ACTN4: variants seen among roughly 807,000 people sequenced by gnomAD.
The protein encoded by ACTN4 is alpha-actinin-4.
In ACTN4, 18 loss-of-function variants were observed where a neutral mutation model predicts 114.2. The ratio of observed to expected loss-of-function variants is 0.16; its 90% CI spans 0.11 to 0.23. The LOEUF is 0.23. Ranked by LOEUF, ACTN4 falls within the 10% of genes least tolerant of loss-of-function variation. ACTN4 has a pLI of 1.00. For synonymous variants in ACTN4, 515 were observed against 506.3 expected, an observed-to-expected ratio of 1.02 and a Z score of -0.23; for missense variants, 722 against 1,262.9, an observed-to-expected ratio of 0.57 and a Z score of 6.49.
chr19:38,693,788 CCTG>C (rs1414771208), intron 1 of ACTN4, among the ~76,000 whole-genome samples: 1 of 152,238 alleles, frequency 6.6e-6, no homozygotes, highest in Non-Finnish European at 1.5e-5. Flanking sequence ...CCGTCTCCCT[CCTG>C]CAGCCCACAG....
intron 8 of ACTN4, chr19:38,710,918 A>G (rs994581325): frequency 2.0e-4 from 36 of 176,778 alleles, no homozygotes; most frequent in Admixed American, 1.4e-3. Flanking sequence ...GTGGGATAAG[A>G]AATTCATGTT....
At chr19:38,655,538 G>A (rs770942806) in intron 1 of ACTN4, among the ~76,000 whole-genome samples, 45 of 152,162 alleles carry the variant, frequency 3.0e-4, no homozygotes, top group Non-Finnish European at 5.9e-4. Flanking sequence ...TCATCTGGTC[G>A]AGGTGGGCAG....
At chr19:38,705,892 G>A (rs1254519128) in intron 4 of ACTN4, 152 bp from the exon 5 acceptor site, 6 of 727,646 alleles carry the variant, frequency 8.2e-6, no homozygotes, top group African/African-American at 1.7e-5. Context: ...TGGCTGTCCC[G>A]CTGCTATCAC....
chr19:38,673,651 ATATTTATATATATTATATAT>A (rs1967253784), intron 1 of ACTN4, among the ~76,000 whole-genome samples: 1 of 79,226 alleles, frequency 1.3e-5, no homozygotes, highest in South Asian at 3.4e-4. Flanking sequence ...ATATATTTAT[ATATTTATATATATTATATAT>A]ATTTATATAT....
rs67679036 is a variant in ACTN4, at chr19:38,727,638, G to A, written c.2338-308G>A. Among the ~76,000 whole-genome samples the A allele has an allele frequency of 1.5e-3, 120 of 82,698 alleles. 1 individual carries two copies. Among genetic ancestry groups the A allele is most frequent in the East Asian group, 0.012 (39 of 3,260 alleles). 54.3% of individuals were successfully genotyped at this position (82,698 alleles called of 152,430 possible). Reference sequence around the variant, plus strand: ...CAAAGGCAAGGAGAACCCCCCCCCCGACCCTCCACCAGTCCTGGGACTTGT... The same window carrying A: ...CAAAGGCAAGGAGAACCCCCCCCCCAACCCTCCACCAGTCCTGGGACTTGT... On this transcript the variant is annotated intron_variant, in intron 18 of 20. Coordinates refer to ENST00000252699, the MANE Select transcript of ACTN4 (RefSeq NM_004924.6). The surrounding 1 kb of genome is among the most constrained non-coding windows in gnomAD (Gnocchi z 5.4).
chr19:38,723,076 C>G (rs1007308629), intron 12 of ACTN4, among the ~76,000 whole-genome samples: 3 of 152,216 alleles, frequency 2.0e-5, no homozygotes, highest in Non-Finnish European at 4.4e-5. Flanking sequence ...CCCACAGCAA[C>G]TGTGTAACTG....
chr19:38,728,424 T>G, intron 19 of ACTN4: 1 of 900,912 alleles, frequency 1.1e-6, no homozygotes, highest in Non-Finnish European at 1.5e-6. Context: ...CTCCTCCTCC[T>G]CCTCCTCCTC....
Position 38,726,867 on chromosome 19 carries a change from G to A in ACTN4, c.2191-90G>A, listed in dbSNP as rs1105759. 103,298 of 1,569,730 alleles carry A rather than the reference G, an allele frequency of 0.066. 3,710 individuals carry two copies. Among genetic ancestry groups the A allele is most frequent in the South Asian group, 0.1 (8,880 of 87,558 alleles). Reference sequence around the variant, plus strand: ...GGAGAGCAGGGGCTTTCCCCAGGGCGGGAGGACAGTTCACAGTCCTCCACG... The same window carrying A: ...GGAGAGCAGGGGCTTTCCCCAGGGCAGGAGGACAGTTCACAGTCCTCCACG... On this transcript the variant is annotated intron_variant, in intron 17 of 20. Coordinates refer to ENST00000252699, the MANE Select transcript of ACTN4 (RefSeq NM_004924.6).
At position 38,678,753 on chromosome 19, in the gene ACTN4, C is replaced by T. The variant is rs73034606; in HGVS notation, c.163-21847C>T. 3.1e-3 allele frequency among the ~76,000 whole-genome samples: 468 copies of T among 152,262 alleles called. 3 individuals carry two copies. Among genetic ancestry groups the T allele is most frequent in the Non-Finnish European group, 5.5e-3 (373 of 68,014 alleles). On this transcript the variant is annotated intron_variant, in intron 1 of 20. Coordinates refer to ENST00000252699, the MANE Select transcript of ACTN4 (RefSeq NM_004924.6). ...CTTCGCTGTCAGTGGTGACCAATCCCGTGGAATCAGCCACTGTGTGTTACC... is the reference window on the plus strand; with the variant it reads ...CTTCGCTGTCAGTGGTGACCAATCCTGTGGAATCAGCCACTGTGTGTTACC...
intron 1 of ACTN4, among the ~76,000 whole-genome samples, chr19:38,685,014 C>T (rs2144935899): frequency 6.6e-6 from 1 of 152,288 alleles, no homozygotes; most frequent in Middle Eastern, 3.4e-3. Context: ...GGCGTGATCT[C>T]AGCTCACTGC....
At position 38,708,211 on chromosome 19, in the gene ACTN4, TC is replaced by T. The variant is rs1337311034; in HGVS notation, c.651+20del. On this transcript the variant is annotated intron_variant, in intron 6 of 20. Transcript: ENST00000252699. Reference sequence around the variant, plus strand: ...GCTGAGGAAGGTGAGTGTCTCCAGCTCCCCTTGATGGCCCACAGACGTGCCC... The same window carrying T: ...GCTGAGGAAGGTGAGTGTCTCCAGCTCCCTTGATGGCCCACAGACGTGCCC... 1 of 1,613,714 alleles carries T rather than the reference TC, an allele frequency of 6.2e-7. No homozygotes were observed. The highest frequency in any genetic ancestry group is 1.1e-5 in the South Asian group (1 of 91,048).
chr19:38,658,263 A>C (rs1207736115), intron 1 of ACTN4, among the ~76,000 whole-genome samples: 6 of 152,146 alleles, frequency 3.9e-5, no homozygotes, highest in Non-Finnish European at 7.3e-5. Context: ...TGTAGCCTAG[A>C]AGAGTGCTTT....
At chr19:38,684,935 A>G (rs1405112479) in intron 1 of ACTN4, among the ~76,000 whole-genome samples, 1 of 151,788 alleles carries the variant, frequency 6.6e-6, no homozygotes, top group African/African-American at 2.4e-5. Context: ...ACCCACCCAA[A>G]TGGCTTTTTG....
chr19:38,716,447 G>A (rs1288215273), intron 9 of ACTN4, among the ~76,000 whole-genome samples: 6 of 152,230 alleles, frequency 3.9e-5, no homozygotes, highest in Non-Finnish European at 7.3e-5. Flanking sequence ...GAAGACAGCG[G>A]CAGTGGGGCA....
At position 38,727,940 on chromosome 19, in the gene ACTN4, C is replaced by T. The variant is rs779679417; in HGVS notation, c.2338-6C>T. 1.1e-5 allele frequency: 17 copies of T among 1,612,384 alleles called. No homozygotes were observed. The highest frequency in any genetic ancestry group is 2.7e-5 in the African/African-American group (2 of 74,894). On this transcript the variant is annotated splice_polypyrimidine_tract_variant and splice_region_variant and intron_variant, in intron 18 of 20. Coordinates refer to ENST00000252699, the MANE Select transcript of ACTN4 (RefSeq NM_004924.6). The surrounding 1 kb of genome is among the most constrained non-coding windows in gnomAD (Gnocchi z 5.4). Reference sequence around the variant, plus strand: ...CCGCACACCTGCCTTCGGATGGCCCCGGCAGGATCATGGCGGGGCGCTGGG... The same window carrying T: ...CCGCACACCTGCCTTCGGATGGCCCTGGCAGGATCATGGCGGGGCGCTGGG...
At chr19:38,684,317 A>T (rs1446361933) in intron 1 of ACTN4, among the ~76,000 whole-genome samples, 2 of 152,106 alleles carry the variant, frequency 1.3e-5, no homozygotes, top group African/African-American at 4.8e-5. Flanking sequence ...GGGCAGGTTG[A>T]CATGGTACCC....
intron 12 of ACTN4, among the ~76,000 whole-genome samples, chr19:38,722,610 C>G (rs1390522562): frequency 2.0e-5 from 3 of 152,144 alleles, no homozygotes; most frequent in Non-Finnish European, 2.9e-5. Flanking sequence ...TCCCGTGGGG[C>G]CATCACAGCA....
In ACTN4 at chr19:38,704,849, C is replaced by T; in HGVS notation, c.398-85C>T. The stretch of plus-strand genomic sequence containing the variant: ...GTTTGGAGCCTTTCTCTAGATGGGG[C>T]TGGAAGGCCACCTTCAGGTTGGGCG... On this transcript the variant is annotated intron_variant, in intron 3 of 20. Transcript: ENST00000252699. The T allele has an allele frequency of 3.9e-6, 5 of 1,281,874 alleles. No homozygotes were observed. In the South Asian group the frequency reaches 6.0e-5, roughly 15 times the overall value. 79.4% of individuals were successfully genotyped at this position (1,281,874 alleles called of 1,614,324 possible).
intron 1 of ACTN4, among the ~76,000 whole-genome samples, chr19:38,692,346 G>A (rs1250946041): frequency 7.2e-5 from 11 of 152,232 alleles, no homozygotes; most frequent in Admixed American, 5.9e-4. Flanking sequence ...GGCTGTCTGC[G>A]TCCCACGTTG....
Sources: gnomAD v4.1 joint callset for allele counts (sites outside exome capture counted in the v4.1 genomes callset) on GRCh38, gnomAD v4.1.1 for gene constraint, Gnocchi (gnomAD v3.1) non-coding constraint, MANE v1.5 for transcripts, NCBI Gene and HGNC (gene_info 2026-07-23, HGNC 2026-07-21) for gene names.